The following NAALADL2 variants were observed in gnomAD, a reference collection of about 807,000 sequenced individuals.
NAALADL2 encodes the protein N-acetylated alpha-linked acidic dipeptidase like 2.
NAALADL2 carries 76 observed loss-of-function variants against 87.2 expected under a neutral mutation model. That is an observed-to-expected ratio of 0.87 (90% CI 0.72 to 1.05). The LOEUF is 1.05. NAALADL2 is among the 50% of genes least tolerant of loss of function. NAALADL2 has a pLI of 0.00. For missense variants in NAALADL2, 1,089 were observed against 945.8 expected, an observed-to-expected ratio of 1.15 and a Z score of -1.99; for synonymous variants, 354 against 331.0, an observed-to-expected ratio of 1.07 and a Z score of -0.75.
At chr3:175,350,396 A>G (rs984859329) in intron 5 of NAALADL2, among the ~76,000 whole-genome samples, 3 of 152,118 alleles carry the variant, frequency 2.0e-5, no homozygotes, top group African/African-American at 7.2e-5. Context: ...TAGGTAGAGA[A>G]AGGTTTTTCT....
chr3:174,924,960 C>G (rs1216317748), intron 1 of NAALADL2, among the ~76,000 whole-genome samples: 2 of 152,024 alleles, frequency 1.3e-5, no homozygotes, highest in Non-Finnish European at 2.9e-5. Flanking sequence ...TTTGTAGATT[C>G]TGGATATTAG....
At chr3:174,550,895 A>G (rs1386188411) in intron 2 of NAALADL2, 1 of 152,050 alleles carries the variant, frequency 6.6e-6, no homozygotes, top group Non-Finnish European at 1.5e-5. Context: ...AGTGACTGCT[A>G]TATGTTCTCT....
At chr3:175,118,178 C>T (rs997053239) in intron 2 of NAALADL2, among the ~76,000 whole-genome samples, 2 of 151,794 alleles carry the variant, frequency 1.3e-5, no homozygotes, top group African/African-American at 4.8e-5. Context: ...TTAATGGGTG[C>T]AGCACACCAA....
chr3:174,900,564 C>T (rs1468139313), intron 1 of NAALADL2, among the ~76,000 whole-genome samples: 1 of 151,668 alleles, frequency 6.6e-6, no homozygotes, highest in African/African-American at 2.4e-5. Flanking sequence ...CTTCTGATAA[C>T]CTAACAAAAA....
At chr3:175,577,036 G>C (rs899785372) in intron 10 of NAALADL2, among the ~76,000 whole-genome samples, 4 of 151,898 alleles carry the variant, frequency 2.6e-5, no homozygotes, top group Non-Finnish European at 2.9e-5. Flanking sequence ...AGTAATATTT[G>C]GCTTTATGTT....
intron 6 of NAALADL2, among the ~76,000 whole-genome samples, chr3:175,459,194 T>A (rs1412700677): frequency 6.6e-6 from 1 of 151,990 alleles, no homozygotes; most frequent in African/African-American, 2.4e-5. Flanking sequence ...AAAATAAGGA[T>A]TAAAGTTAAA....
intron 11 of NAALADL2, among the ~76,000 whole-genome samples, chr3:175,678,149 A>G (rs1735077498): frequency 6.6e-6 from 1 of 152,230 alleles, no homozygotes; most frequent in Admixed American, 6.5e-5. Flanking sequence ...TCTCTTAAAA[A>G]TGTATATTTT....
chr3:175,451,235 C>T (rs1721521072), intron 6 of NAALADL2, among the ~76,000 whole-genome samples: 1 of 151,914 alleles, frequency 6.6e-6, no homozygotes, highest in African/African-American at 2.4e-5. Context: ...AATCATAACA[C>T]TTAAACTAAA....
At chr3:174,862,773 G>A (rs1726656287) in intron 1 of NAALADL2, among the ~76,000 whole-genome samples, 2 of 152,092 alleles carry the variant, frequency 1.3e-5, no homozygotes, top group African/African-American at 4.8e-5. Context: ...ACGCCTCCCT[G>A]GGCTGTTTAA....
chr3:174,947,298 A>C (rs1739586316), intron 1 of NAALADL2, among the ~76,000 whole-genome samples: 1 of 151,960 alleles, frequency 6.6e-6, no homozygotes, highest in Admixed American at 6.6e-5. Flanking sequence ...TCTTTTTTGC[A>C]CAAGATTACA....
Position 175,306,805 on chromosome 3 carries a change from C to T in NAALADL2, c.940-17370C>T, listed in dbSNP as rs137866803. Among the ~76,000 whole-genome samples, 301 of 152,272 alleles carry T rather than the reference C, an allele frequency of 2.0e-3. 1 individual carries two copies. Among genetic ancestry groups the T allele is most frequent in the African/African-American group, 7.0e-3 (290 of 41,554 alleles). The stretch of plus-strand genomic sequence containing the variant: ...AGGTTGCAGTGAGCCAAGGTCATGC[C>T]ACTGCACTCCAACCTGGAAGTCCAG... On this transcript the variant is annotated intron_variant, in intron 4 of 13. Coordinates refer to ENST00000454872, the MANE Select transcript of NAALADL2 (RefSeq NM_207015.3).
intron 9 of NAALADL2, among the ~76,000 whole-genome samples, chr3:175,478,035 T>G (rs1321032993): frequency 6.6e-6 from 1 of 152,092 alleles, no homozygotes; most frequent in Non-Finnish European, 1.5e-5. Context: ...TTCTGCTTCC[T>G]GTAAGATATA....
chr3:175,730,287 A>T (rs1388102902), intron 11 of NAALADL2, among the ~76,000 whole-genome samples: 1 of 150,658 alleles, frequency 6.6e-6, no homozygotes, highest in African/African-American at 2.4e-5. Context: ...TTTGTGATGA[A>T]GTCAAAGAAT....
intron 2 of NAALADL2, among the ~76,000 whole-genome samples, chr3:174,710,929 T>C (rs1321961321): frequency 6.6e-6 from 1 of 152,236 alleles, no homozygotes; most frequent in Admixed American, 6.5e-5. Context: ...TGTGAGCTTA[T>C]AAATGGGTAT....
rs1275081659 is a variant in NAALADL2 at position 175,042,284 on chromosome 3, A to T, written c.44-54506A>T. On this transcript the variant is annotated intron_variant, in intron 1 of 13. Transcript: ENST00000454872. ...GTTGAAGCCAAATAATTTACTATAT[A>T]TATAGCCTGTTTTTCTTTGGAATAC... 2.0e-5 allele frequency among the ~76,000 whole-genome samples: 3 copies of T among 152,082 alleles called. No individual in the cohort carries two copies. The South Asian group carries it at 6.2e-4, about 31-fold the overall frequency.
In NAALADL2 at chr3:175,662,769, G is replaced by T. The variant is rs139578263; in HGVS notation, c.1896+35383G>T. Among the ~76,000 whole-genome samples, 747 of 151,952 alleles carry T rather than the reference G, an allele frequency of 4.9e-3. 4 individuals are homozygous for T. Among genetic ancestry groups the T allele is most frequent in the African/African-American group, 0.017 (718 of 41,520 alleles). ...AAATAATCATTTGTTTTTGGTCTTT[G>T]ATTTTCTTGATGTATTGTATCACAT... On this transcript the variant is annotated intron_variant, in intron 11 of 13. Transcript: ENST00000454872.
chr3:175,562,933 A>G (rs1716502134), intron 9 of NAALADL2, among the ~76,000 whole-genome samples: 1 of 141,648 alleles, frequency 7.1e-6, no homozygotes. Flanking sequence ...GGTAGAAAGG[A>G]TTGTCAAAAA....
In NAALADL2 at chr3:174,808,519, A is replaced by C. The variant is rs183383441; in HGVS notation, c.-9+70773A>C. On this transcript the variant is annotated intron_variant, in intron 3 of 3. Coordinates refer to the NAALADL2 transcript ENST00000434257. ...ATTGAATATATATTGCATCATAGAC[A>C]TGGTAAAATGCTGCCAAAAAGTCAA... is the stretch of plus-strand genomic sequence containing the variant. Among the ~76,000 whole-genome samples the C allele has an allele frequency of 2.0e-5, 3 of 152,306 alleles. No individual in the cohort carries two copies. The East Asian group carries it at 5.8e-4, about 29-fold the overall frequency.
At chr3:174,455,379 A>C (rs767256370) in intron 1 of NAALADL2, among the ~76,000 whole-genome samples, 19 of 152,192 alleles carry the variant, frequency 1.2e-4, no homozygotes, top group Non-Finnish European at 2.8e-4. Context: ...AACTCATTCC[A>C]TGAGACCAGC....
Sources: gnomAD v4.1 joint callset for allele counts (sites outside exome capture counted in the v4.1 genomes callset) on GRCh38, gnomAD v4.1.1 for gene constraint, MANE v1.5 for transcripts, NCBI Gene and HGNC (gene_info 2026-07-23, HGNC 2026-07-21) for gene names.